MTUS2: variants seen among roughly 807,000 people sequenced by gnomAD.
MTUS2 encodes the protein microtubule associated scaffold protein 2.
In MTUS2, 40 loss-of-function variants were observed where a neutral mutation model predicts 114.1. The observed-to-expected ratio is 0.35, with a 90% CI of 0.27 to 0.46. The LOEUF is 0.46. Among genes scored for constraint, MTUS2 ranks in the 20% least tolerant of loss-of-function variants. MTUS2 has a pLI of 1.00. For synonymous variants in MTUS2, 688 were observed against 672.0 expected, an observed-to-expected ratio of 1.02 and a Z score of -0.37; for missense variants, 1,679 against 1,705.4, an observed-to-expected ratio of 0.98 and a Z score of 0.27.
At position 29,438,621 on chromosome 13, in the gene MTUS2, T is replaced by G. The variant is rs185339574; in HGVS notation, c.3118-1362T>G. ...TTCCCAGAAGCCCCACCTCCTAATATCATCAGCTTGGAGGTGAGGATTTCA... is the reference window on the plus strand; with the variant it reads ...TTCCCAGAAGCCCCACCTCCTAATAGCATCAGCTTGGAGGTGAGGATTTCA... On this transcript the variant is annotated intron_variant, in intron 8 of 15. Transcript: ENST00000612955. 1.2e-3 allele frequency among the ~76,000 whole-genome samples: 177 copies of G among 152,104 alleles called. 1 individual carries two copies. Among genetic ancestry groups the G allele is most frequent in the African/African-American group, 4.0e-3 (164 of 41,494 alleles).
At chr13:29,006,353 A>G (rs367815789) in intron 2 of MTUS2, among the ~76,000 whole-genome samples, 2 of 152,226 alleles carry the variant, frequency 1.3e-5, no homozygotes, top group South Asian at 2.1e-4. Flanking sequence ...GTACATAGCA[A>G]TGAATCTGAA....
In MTUS2 at chr13:29,100,935, A is replaced by G. The variant is rs544089457; in HGVS notation, c.2609A>G (p.Asp870Gly). ...TCAGTCTCCAGCACCCAGTCCGGGG[A>G]CAGTGCACAGCCAGAGCAGGGCCGG... ...VSSVSSTQSGDSAQPEQGRPA... is the reference protein window; with the variant it reads ...VSSVSSTQSGGSAQPEQGRPA... Residue 870 changes from aspartate (D) to glycine (G), a missense_variant, in exon 5 of 16, where the codon GAC (aspartate) becomes GGC (glycine). By Grantham distance (94) the Asp-to-Gly change is moderately conservative. Transcript: ENST00000612955. The G allele has an allele frequency of 3.2e-6, 5 of 1,576,528 alleles. No individual in the cohort carries two copies. Among genetic ancestry groups the G allele is most frequent in the Admixed American group, 1.8e-5 (1 of 54,718 alleles).
chr13:29,101,234 C>T (rs1208418427), intron 5 of MTUS2, among the ~76,000 whole-genome samples: 1 of 151,862 alleles, frequency 6.6e-6, no homozygotes, highest in Non-Finnish European at 1.5e-5. Flanking sequence ...TCCAGCAGCC[C>T]TTTGCTTTGC....
At chr13:29,426,103 C>T (rs970987031) in intron 8 of MTUS2, among the ~76,000 whole-genome samples, 2 of 152,194 alleles carry the variant, frequency 1.3e-5, no homozygotes, top group Admixed American at 6.5e-5. Context: ...TGGCTCTGTC[C>T]ACAATAGGGC....
At chr13:29,002,825 T>G (rs536698805) in intron 2 of MTUS2, among the ~76,000 whole-genome samples, 1 of 152,204 alleles carries the variant, frequency 6.6e-6, no homozygotes, top group Non-Finnish European at 1.5e-5. Flanking sequence ...AATTCAAACT[T>G]TAAAGTGCAT....
chr13:29,099,281 A>T (rs1320696623), intron 4 of MTUS2, among the ~76,000 whole-genome samples: 1 of 152,034 alleles, frequency 6.6e-6, no homozygotes, highest in Admixed American at 6.5e-5. Context: ...GACAGGCTTG[A>T]GTTGGGAATA....
intron 6 of MTUS2, among the ~76,000 whole-genome samples, chr13:29,320,046 A>ATCAC (rs968140008): frequency 3.9e-5 from 6 of 151,944 alleles, no homozygotes; most frequent in Non-Finnish European, 8.8e-5. Flanking sequence ...GAACCTATCA[A>ATCAC]TGTTACCTTA....
At chr13:28,958,732 G>A (rs1030283019) in intron 2 of MTUS2, among the ~76,000 whole-genome samples, 4 of 152,138 alleles carry the variant, frequency 2.6e-5, no homozygotes, top group Non-Finnish European at 4.4e-5. Flanking sequence ...GGAAGAGTGC[G>A]CATCACATAG....
chr13:28,821,965 G>A (rs911179621), intron 1 of MTUS2, among the ~76,000 whole-genome samples: 13 of 152,126 alleles, frequency 8.5e-5, no homozygotes, highest in Non-Finnish European at 5.9e-5. Context: ...AATACTTACG[G>A]GAATCTTAAG....
chr13:28,960,350 A>G (rs1883267581), intron 2 of MTUS2, among the ~76,000 whole-genome samples: 1 of 152,222 alleles, frequency 6.6e-6, no homozygotes, highest in Non-Finnish European at 1.5e-5. Flanking sequence ...ATATAGAGTT[A>G]TCATATGACT....
At chr13:29,452,568 ATATATATG>A (rs1415182501) in intron 9 of MTUS2, among the ~76,000 whole-genome samples, 1 of 82,478 alleles carries the variant, frequency 1.2e-5, no homozygotes, top group African/African-American at 4.6e-5. Context: ...GTATATATAT[ATATATATG>A]TGTGTGTGTG....
Position 29,071,409 on chromosome 13 carries a change from A to ATTTTTTTTT in MTUS2, c.2447-29338_2447-29330dup, listed in dbSNP as rs751020009. Among the ~76,000 whole-genome samples, 61 of 46,142 alleles carry ATTTTTTTTT rather than the reference A, an allele frequency of 1.3e-3. 11 individuals carry two copies. Among genetic ancestry groups the ATTTTTTTTT allele is most frequent in the East Asian group, 4.5e-3 (5 of 1,106 alleles). The allele number at this position is 46,142 out of a possible 152,430, so 30.3% of individuals were successfully genotyped here. The stretch of plus-strand genomic sequence containing the variant: ...TTTAAAAGATCTCTATGTTGCTTGA[A>ATTTTTTTTT]TTTTTTTTTTTTTTTTTTTTTTTTT... On this transcript the variant is annotated intron_variant, in intron 4 of 15. Coordinates refer to ENST00000612955, the MANE Select transcript of MTUS2 (RefSeq NM_001033602.4).
chr13:29,487,813 G>A (rs1881738011), intron 10 of MTUS2, 87 bp from the exon 11 acceptor site: 1 of 995,714 alleles, frequency 1.0e-6, no homozygotes, highest in African/African-American at 1.6e-5. Context: ...TTGATGTTTT[G>A]GGTCACGGAC....
intron 7 of MTUS2, among the ~76,000 whole-genome samples, chr13:29,356,225 T>C (rs369718071): frequency 1.3e-5 from 2 of 152,178 alleles, no homozygotes; most frequent in Admixed American, 6.5e-5. Flanking sequence ...CTGAGAAATA[T>C]GATGGGAAAG....
chr13:29,245,697 T>TTC (rs1555256011), intron 5 of MTUS2, among the ~76,000 whole-genome samples: 1 of 146,892 alleles, frequency 6.8e-6, no homozygotes, highest in African/African-American at 2.5e-5. Context: ...TATTTTAATT[T>TTC]TTTTTTTTTT....
chr13:29,012,645 G>A (rs1012728663), intron 2 of MTUS2, among the ~76,000 whole-genome samples: 3 of 152,072 alleles, frequency 2.0e-5, no homozygotes, highest in South Asian at 2.1e-4. Context: ...AGGCCGAGGC[G>A]GGCGGATCAC....
rs148589706 is a variant in MTUS2 at position 29,248,149 on chromosome 13, G to A, written c.2645-33555G>A. The stretch of plus-strand genomic sequence containing the variant: ...ATCCTAAGTGAAGTAGCACCAGAAT[G>A]GAAAACCAAACATCATATGTTCTCA... On this transcript the variant is annotated intron_variant, in intron 5 of 15. Transcript: ENST00000612955. Among the ~76,000 whole-genome samples the A allele has an allele frequency of 9.8e-5, 15 of 152,322 alleles. No individual in the cohort carries two copies. In the East Asian group the frequency reaches 2.9e-3, roughly 29 times the overall value.
intron 2 of MTUS2, 59 bp downstream of exon 2, chr13:28,839,909 G>A (rs1472359412): frequency 6.7e-6 from 1 of 149,664 alleles, no homozygotes; most frequent in Non-Finnish European, 1.5e-5. Context: ...GCCTGTGATT[G>A]TCTCTCAAAT....
chr13:29,104,134 T>C (rs1449384210), intron 5 of MTUS2, among the ~76,000 whole-genome samples: 1 of 152,194 alleles, frequency 6.6e-6, no homozygotes, highest in Non-Finnish European at 1.5e-5. Flanking sequence ...CCCAACCCCA[T>C]TGAGCAGAGG....
Sources: allele counts gnomAD v4.1 joint callset (sites outside exome capture counted in the v4.1 genomes callset), GRCh38; gene constraint gnomAD v4.1.1; transcripts MANE v1.5; gene names NCBI Gene and HGNC (gene_info 2026-07-23, HGNC 2026-07-21).